UPB1: variants seen among roughly 807,000 people sequenced by gnomAD.
UPB1 encodes the protein beta-ureidopropionase.
In UPB1, 40 loss-of-function variants were observed where a neutral mutation model predicts 49.1. The ratio of observed to expected loss-of-function variants is 0.81; its 90% CI spans 0.63 to 1.06. The LOEUF (loss-of-function observed/expected upper bound fraction) is 1.06, where lower values mean the gene tolerates loss of function less well. UPB1 is among the 50% of genes least tolerant of loss of function. UPB1 has a pLI of 0.00. For missense variants in UPB1, 499 were observed against 505.9 expected (o/e 0.99, Z 0.13); for synonymous variants, 207 against 198.2 (o/e 1.04, Z -0.38).
chr22:24,502,366 C>T (rs758315038), intron 3 of UPB1, 153 bp downstream of exon 3: 3 of 865,430 alleles, frequency 3.5e-6, no homozygotes, highest in Non-Finnish European at 6.1e-6. Context: ...GGAACCCCGG[C>T]CTCCCTGCTG....
intron 7 of UPB1, 71 bp from the exon 8 acceptor site, chr22:24,521,915 C>A: frequency 6.5e-7 from 1 of 1,533,218 alleles, no homozygotes; most frequent in Non-Finnish European, 9.0e-7. Context: ...GCTCATCTGG[C>A]TGAGTGAGCT....
chr22:24,520,510 G>T (rs771870617), intron 7 of UPB1, 42 bp downstream of exon 7: 1 of 1,604,296 alleles, frequency 6.2e-7, no homozygotes, highest in South Asian at 1.1e-5. Context: ...CCACCACCTG[G>T]TGGCTCTGGT....
rs755552957 is a variant in UPB1, at chr22:24,502,263, TTC to T, written c.364+55_364+56del. ...TCTGCTGCCTTCAAACAATTGTGTA[TTC>T]TCTCCATGTTGCCAAGAGTGTCTGC... On this transcript the variant is annotated intron_variant, in intron 3 of 9. Transcript: ENST00000326010. 3.2e-6 allele frequency: 5 copies of T among 1,562,384 alleles called. No homozygotes were observed. The African/African-American group carries it at 5.4e-5, about 17-fold the overall frequency.
At chr22:24,508,356 C>T (rs768262857) in intron 3 of UPB1, among the ~76,000 whole-genome samples, 13 of 151,578 alleles carry the variant, frequency 8.6e-5, no homozygotes, top group Non-Finnish European at 1.3e-4. Context: ...GTCAGGAGTT[C>T]GAAACCAGCC....
chr22:24,502,579 C>G (rs769359929), intron 3 of UPB1: 6 of 766,384 alleles, frequency 7.8e-6, no homozygotes, highest in African/African-American at 6.8e-5. Context: ...CCAGCCCCCC[C>G]ATCTAAACAT....
In UPB1 at chr22:24,526,735, A is replaced by G. The variant is rs1399291474; in HGVS notation, c.*941A>G. On this transcript the variant is annotated 3_prime_UTR_variant, in exon 10 of 10. Coordinates refer to ENST00000326010, the MANE Select transcript of UPB1 (RefSeq NM_016327.3). Reference sequence around the variant, plus strand: ...TAGTTTGATTGAACTTAAAGGCATCAATGACTCTATTTCCATAGAGTCAGG... The same window carrying G: ...TAGTTTGATTGAACTTAAAGGCATCGATGACTCTATTTCCATAGAGTCAGG... The G allele has an allele frequency of 6.6e-6, 1 of 152,176 alleles. No individual in the cohort carries two copies. Among genetic ancestry groups the G allele is most frequent in the African/African-American group, 2.4e-5 (1 of 41,444 alleles). The allele number at this position is 152,176 out of a possible 1,614,324, so 9.4% of individuals were successfully genotyped here.
chr22:24,502,332 G>A (rs774711328), intron 3 of UPB1, 119 bp downstream of exon 3: 1 of 1,169,170 alleles, frequency 8.6e-7, no homozygotes, highest in South Asian at 1.2e-5. Context: ...CTCATCCATG[G>A]AAAGTTCTCC....
chr22:24,520,570 A>G, intron 7 of UPB1, 102 bp downstream of exon 7: 4 of 1,339,124 alleles, frequency 3.0e-6, no homozygotes, highest in Non-Finnish European at 4.2e-6. Context: ...TAGGGTCCGG[A>G]AAGGGGTAAA....
Position 24,502,219 on chromosome 22 carries a change from T to G in UPB1, c.364+6T>G, listed in dbSNP as rs772212502. ...CTGTTTCCAGGAAGCATGGAGTGAG[T>G]CTTTTTTATGGTGCTTTCTCTGCTG... On this transcript the variant is annotated splice_donor_region_variant and intron_variant, in intron 3 of 9. Transcript: ENST00000326010. 57 of 1,613,692 alleles carry G rather than the reference T, an allele frequency of 3.5e-5. No homozygotes were observed. The highest frequency in any genetic ancestry group is 4.6e-5 in the Non-Finnish European group (54 of 1,179,768).
intron 5 of UPB1, among the ~76,000 whole-genome samples, 167 bp downstream of exon 5, chr22:24,513,652 A>G (rs1485840653): frequency 1.3e-5 from 2 of 152,174 alleles, no homozygotes; most frequent in Non-Finnish European, 2.9e-5. Context: ...GTTACCTGAC[A>G]TTGCCCTATA....
chr22:24,496,172 C>T (rs1005534532), intron 1 of UPB1, among the ~76,000 whole-genome samples: 5 of 151,906 alleles, frequency 3.3e-5, no homozygotes, highest in South Asian at 2.1e-4. Flanking sequence ...AGTTCGAGAC[C>T]GGCCTGGGCA....
intron 3 of UPB1, among the ~76,000 whole-genome samples, chr22:24,504,128 T>C (rs926651415): frequency 6.6e-6 from 1 of 152,220 alleles, no homozygotes. Context: ...AAAGGCACAC[T>C]GTAGAGACCA....
rs1049409117 is a variant in UPB1, at chr22:24,527,093, T to C, written c.*1299T>C. On this transcript the variant is annotated 3_prime_UTR_variant, in exon 10 of 10. Coordinates refer to ENST00000326010, the MANE Select transcript of UPB1 (RefSeq NM_016327.3). ...GGGCCAGGTGTGGTGGGGTGGCTTA[T>C]GCCTGTGATCCCAGCACTTTGGGAA... 3.3e-5 allele frequency: 5 copies of C among 152,376 alleles called. No individual in the cohort carries two copies. The highest frequency in any genetic ancestry group is 3.3e-4 in the Admixed American group (5 of 15,302). 9.4% of individuals were successfully genotyped at this position (152,376 alleles called of 1,614,324 possible). A position where few individuals can be genotyped will look rare whatever the true frequency, so the allele number is the denominator to read the frequency against.
intron 6 of UPB1, among the ~76,000 whole-genome samples, chr22:24,519,355 G>C (rs1384064859): frequency 6.6e-6 from 1 of 152,156 alleles, no homozygotes; most frequent in Non-Finnish European, 1.5e-5. Flanking sequence ...TAGTCACACA[G>C]TGTTTCTAAG....
chr22:24,514,172 G>A (rs1475010165), intron 5 of UPB1, among the ~76,000 whole-genome samples: 1 of 152,162 alleles, frequency 6.6e-6, no homozygotes, highest in African/African-American at 2.4e-5. Flanking sequence ...CAGTTGTTCA[G>A]GATGTGATGT....
intron 6 of UPB1, among the ~76,000 whole-genome samples, chr22:24,519,503 G>A (rs528787996): frequency 2.6e-5 from 4 of 152,030 alleles, no homozygotes; most frequent in African/African-American, 7.2e-5. Flanking sequence ...GGTTGGGGCC[G>A]TGTCTCCCAT....
rs778889211 is a variant in UPB1 at position 24,521,975 on chromosome 22, T to C, written c.874-11T>C. The C allele has an allele frequency of 6.2e-7, 1 of 1,614,078 alleles. No homozygotes were observed. Among genetic ancestry groups the C allele is most frequent in the South Asian group, 1.1e-5 (1 of 91,064 alleles). On this transcript the variant is annotated splice_polypyrimidine_tract_variant and intron_variant, in intron 7 of 9. Coordinates refer to ENST00000326010, the MANE Select transcript of UPB1 (RefSeq NM_016327.3). ...CCTATAGGTTCCTCTTACCTTGGTCTTATTTCACAGGAGCACTTCCCGAAC... is the reference window on the plus strand; with the variant it reads ...CCTATAGGTTCCTCTTACCTTGGTCCTATTTCACAGGAGCACTTCCCGAAC...
At chr22:24,521,084 G>C (rs748700155) in intron 7 of UPB1, among the ~76,000 whole-genome samples, 49 of 151,418 alleles carry the variant, frequency 3.2e-4, no homozygotes, top group Non-Finnish European at 5.3e-4. Flanking sequence ...TCAGGAGGCT[G>C]GGGCACGAGA....
rs944610975 is a variant in UPB1 at position 24,500,254 on chromosome 22, C to G, written c.252C>G (p.Pro84=). 10 of 1,614,156 alleles carry G rather than the reference C, an allele frequency of 6.2e-6. No individual in the cohort carries two copies. Among genetic ancestry groups the G allele is most frequent in the Non-Finnish European group, 8.5e-6 (10 of 1,180,032 alleles). ...TGGTTCAGAACAGAATCCCCCTCCC[C>G]GCAAATGCCCCTGTGGCAGAACAGG... ...VGLVQNRIPL[P]ANAPVAEQVS... The change falls in exon 2 of 10, where the codon CCC becomes CCG. Residue 84 remains proline (P), a synonymous_variant. Coordinates refer to ENST00000326010, the MANE Select transcript of UPB1 (RefSeq NM_016327.3).
Sources: allele counts gnomAD v4.1 joint callset (sites outside exome capture counted in the v4.1 genomes callset), GRCh38; gene constraint gnomAD v4.1.1; transcripts MANE v1.5; gene names NCBI Gene and HGNC (gene_info 2026-07-23, HGNC 2026-07-21).